The following SEMA6A variants were observed in gnomAD, a reference collection of about 807,000 sequenced individuals.
SEMA6A encodes semaphorin-6A.
SEMA6A carries 25 observed loss-of-function variants against 96.8 expected under a neutral mutation model. That is an observed-to-expected ratio of 0.26 (90% CI 0.19 to 0.36). The LOEUF (loss-of-function observed/expected upper bound fraction) is 0.36, where lower values mean the gene tolerates loss of function less well. Ranked by LOEUF, SEMA6A falls within the 10% of genes least tolerant of loss-of-function variation. The pLI is 1.00. For synonymous variants in SEMA6A, 612 were observed against 518.0 expected, an observed-to-expected ratio of 1.18 and a Z score of -2.46; for missense variants, 1,363 against 1,323.1, an observed-to-expected ratio of 1.03 and a Z score of -0.47.
At chr5:116,476,313 C>A (rs936070305) in intron 15 of SEMA6A, among the ~76,000 whole-genome samples, 1 of 152,160 alleles carries the variant, frequency 6.6e-6, no homozygotes, top group African/African-American at 2.4e-5. Context: ...ACCAGAGTCA[C>A]CTTCCTTTGG....
chr5:116,572,924 G>A (rs1406758445), intron 1 of SEMA6A, among the ~76,000 whole-genome samples: 1 of 152,216 alleles, frequency 6.6e-6, no homozygotes, highest in Non-Finnish European at 1.5e-5. Flanking sequence ...TAAAGTGGGA[G>A]GAGGCGCTGG....
At chr5:116,485,603 G>T (rs577794829) in intron 10 of SEMA6A, among the ~76,000 whole-genome samples, 10 of 152,162 alleles carry the variant, frequency 6.6e-5, no homozygotes, top group Non-Finnish European at 1.3e-4. Flanking sequence ...CATCCTTCAT[G>T]AAGTTTGCTC....
intron 1 of SEMA6A, among the ~76,000 whole-genome samples, chr5:116,532,585 G>A (rs1047743247): frequency 9.2e-5 from 14 of 152,010 alleles, no homozygotes; most frequent in Non-Finnish European, 1.6e-4. Flanking sequence ...AGCCCCTCTG[G>A]GCTTCGGTGA....
At chr5:116,533,024 T>C (rs1427154140) in intron 1 of SEMA6A, among the ~76,000 whole-genome samples, 2 of 152,240 alleles carry the variant, frequency 1.3e-5, no homozygotes, top group Non-Finnish European at 2.9e-5. Flanking sequence ...TGGCCCTGTG[T>C]AGGCATGGCA....
At chr5:116,546,252 T>C (rs544603297) in intron 1 of SEMA6A, among the ~76,000 whole-genome samples, 21 of 152,220 alleles carry the variant, frequency 1.4e-4, no homozygotes, top group Non-Finnish European at 2.6e-4. Flanking sequence ...AGTCACAAGC[T>C]CAGAGTCACA....
chr5:116,495,372 G>T, intron 6 of SEMA6A, 41 bp downstream of exon 6: 1 of 1,425,722 alleles, frequency 7.0e-7, no homozygotes, highest in Non-Finnish European at 9.8e-7. Flanking sequence ...ATTATGAAAT[G>T]CCTCCTGGCA....
At chr5:116,522,024 G>A (rs539542993) in intron 1 of SEMA6A, among the ~76,000 whole-genome samples, 27 of 152,178 alleles carry the variant, frequency 1.8e-4, no homozygotes, top group South Asian at 4.1e-4. Flanking sequence ...AGTGCATTCA[G>A]TACCCCAGTG....
rs138539399 is a variant in SEMA6A, at chr5:116,539,590, C to CGTGTGTGTGT, written c.-39+34585_-39+34594dup. ...TGCAATACATTTTAATAATTCTGTGCGTGTGTGTGTGTGTGTGTGTGTGTG... is the reference window on the plus strand; with the variant it reads ...TGCAATACATTTTAATAATTCTGTGCGTGTGTGTGTGTGTGTGTGTGTGTGTGTGTGTGTG... On this transcript the variant is annotated intron_variant, in intron 1 of 18. Coordinates refer to ENST00000343348, the MANE Select transcript of SEMA6A (RefSeq NM_020796.5). Among the ~76,000 whole-genome samples the CGTGTGTGTGT allele has an allele frequency of 2.0e-3, 291 of 144,948 alleles. 1 individual carries two copies. Among genetic ancestry groups the CGTGTGTGTGT allele is most frequent in the African/African-American group, 5.9e-3 (232 of 39,114 alleles).
At chr5:116,466,563 AGATG>A (rs1167744295) in intron 18 of SEMA6A, among the ~76,000 whole-genome samples, 1 of 152,186 alleles carries the variant, frequency 6.6e-6, no homozygotes. Flanking sequence ...GCAAAAAAGC[AGATG>A]AAAATGTAGC....
intron 1 of SEMA6A, among the ~76,000 whole-genome samples, chr5:116,506,632 T>TA (rs1266149043): frequency 8.0e-6 from 1 of 125,378 alleles, no homozygotes; most frequent in Non-Finnish European, 1.6e-5. Context: ...AAGTAAAACA[T>TA]AAACAAGACA....
chr5:116,472,688 T>G, intron 17 of SEMA6A: 1 of 494,786 alleles, frequency 2.0e-6, no homozygotes, highest in South Asian at 3.6e-5. Flanking sequence ...AATTTAGGAC[T>G]CAGTCTCCCA....
chr5:116,494,072 CTT>C (rs1270265286), intron 6 of SEMA6A, among the ~76,000 whole-genome samples: 1 of 152,204 alleles, frequency 6.6e-6, no homozygotes, highest in Non-Finnish European at 1.5e-5. Context: ...CTCTCTCTCT[CTT>C]TATCCTGTGC....
chr5:116,478,359 AAC>A lies in SEMA6A; in HGVS notation c.1427+181_1427+182del, dbSNP rs151262590. On this transcript the variant is annotated intron_variant, in intron 13 of 18. Coordinates refer to ENST00000343348, the MANE Select transcript of SEMA6A (RefSeq NM_020796.5). ...ACACACACATATATGTATCTATATA[AAC>A]ACACACACACACATTGGCAAGGAGA... 4.9e-3 allele frequency: 3,568 copies of A among 728,396 alleles called. 11 individuals carry two copies. The highest frequency in any genetic ancestry group is 0.02 in the African/African-American group (1,121 of 55,682). The allele number at this position is 728,396 out of a possible 1,614,324, so 45.1% of individuals were successfully genotyped here.
At chr5:116,522,979 A>G (rs1377969780) in intron 1 of SEMA6A, among the ~76,000 whole-genome samples, 1 of 152,166 alleles carries the variant, frequency 6.6e-6, no homozygotes, top group Non-Finnish European at 1.5e-5. Flanking sequence ...AACTAGAGAG[A>G]AAAGAAAGAA....
chr5:116,556,390 T>G (rs1333462303), intron 1 of SEMA6A, among the ~76,000 whole-genome samples: 2 of 152,202 alleles, frequency 1.3e-5, no homozygotes, highest in Admixed American at 6.5e-5. Context: ...ATCCTGCTGG[T>G]GACAAAAACA....
chr5:116,452,037 G>T (rs1201158844), intron 18 of SEMA6A, among the ~76,000 whole-genome samples: 2 of 152,050 alleles, frequency 1.3e-5, no homozygotes, highest in African/African-American at 4.8e-5. Flanking sequence ...AGTATCCCTT[G>T]CTTCAGATGC....
chr5:116,559,536 C>T (rs1561536709), intron 1 of SEMA6A, among the ~76,000 whole-genome samples: 1 of 152,100 alleles, frequency 6.6e-6, no homozygotes, highest in Non-Finnish European at 1.5e-5. Context: ...ATTACAACAG[C>T]GCGTTACTCC....
At chr5:116,569,615 G>C (rs1761129892) in intron 1 of SEMA6A, among the ~76,000 whole-genome samples, 1 of 152,202 alleles carries the variant, frequency 6.6e-6, no homozygotes, top group Non-Finnish European at 1.5e-5. Flanking sequence ...AGCAGGAGAG[G>C]ACCATGGCTT....
chr5:116,573,308 GGTCATCTTTCCAGA>G (rs1761313141), intron 1 of SEMA6A, among the ~76,000 whole-genome samples: 1 of 152,102 alleles, frequency 6.6e-6, no homozygotes, highest in Non-Finnish European at 1.5e-5. Flanking sequence ...CCCCCTCCTG[GGTCATCTTTCCAGA>G]GCGAGACCGC....
Sources: allele counts gnomAD v4.1 joint callset (sites outside exome capture counted in the v4.1 genomes callset), GRCh38; gene constraint gnomAD v4.1.1; transcripts MANE v1.5; gene names NCBI Gene and HGNC (gene_info 2026-07-23, HGNC 2026-07-21).